Variants in DENND1B observed in about 807,000 individuals in gnomAD.
DENND1B encodes DENN domain containing 1B, also known as DENN domain-containing protein 1B.
A neutral mutation model predicts 90.1 loss-of-function variants in DENND1B; 59 were observed. The observed-to-expected ratio is 0.65, with a 90% CI of 0.53 to 0.81. DENND1B has a LOEUF of 0.81. DENND1B is among the 40% of genes least tolerant of loss of function. DENND1B has a pLI of 0.00. For missense variants in DENND1B, 862 were observed against 912.6 expected (o/e 0.94, Z 0.71); for synonymous variants, 337 against 324.6 (o/e 1.04, Z -0.41).
intron 10 of DENND1B, among the ~76,000 whole-genome samples, chr1:197,629,514 CTGGGGACTGTTG>C (rs1280700512): frequency 8.5e-6 from 1 of 117,884 alleles, no homozygotes; most frequent in African/African-American, 3.4e-5. Flanking sequence ...ACATCACACT[CTGGGGACTGTTG>C]TGGGGTCGGG....
chr1:197,735,136 A>G (rs1243460861), intron 2 of DENND1B: 1 of 968,840 alleles, frequency 1.0e-6, no homozygotes, highest in Non-Finnish European at 1.2e-6. Flanking sequence ...TATATTATAT[A>G]TGAATAATAC....
intron 3 of DENND1B, among the ~76,000 whole-genome samples, chr1:197,679,152 A>G (rs1345548811): frequency 6.6e-6 from 1 of 152,004 alleles, no homozygotes; most frequent in East Asian, 1.9e-4. Flanking sequence ...CATAAAAAGA[A>G]CTATGTTATA....
chr1:197,538,922 T>C (rs1670121916), intron 20 of DENND1B, among the ~76,000 whole-genome samples: 1 of 152,076 alleles, frequency 6.6e-6, no homozygotes, highest in South Asian at 2.1e-4. Context: ...CCTTTCTGCC[T>C]TCCACCATGG....
chr1:197,552,805 G>A (rs577996246), intron 16 of DENND1B: 1 of 1,319,226 alleles, frequency 7.6e-7, no homozygotes, highest in Non-Finnish European at 9.6e-7. Flanking sequence ...GCCAACAGCT[G>A]CCAATTCAGG....
At chr1:197,633,820 T>G (rs1046201345) in intron 10 of DENND1B, among the ~76,000 whole-genome samples, 3 of 152,140 alleles carry the variant, frequency 2.0e-5, no homozygotes, top group Non-Finnish European at 2.9e-5. Flanking sequence ...GGCCAGCAGC[T>G]TCCCTTTGTT....
chr1:197,754,815 TATACTC>T (rs1436196265), intron 2 of DENND1B, among the ~76,000 whole-genome samples: 14 of 152,014 alleles, frequency 9.2e-5, no homozygotes, highest in African/African-American at 3.1e-4. Flanking sequence ...TTCATGCAAA[TATACTC>T]ATATAGAGAT....
At chr1:197,619,668 A>G (rs377174873) in intron 10 of DENND1B, among the ~76,000 whole-genome samples, 1 of 151,276 alleles carries the variant, frequency 6.6e-6, no homozygotes. Context: ...GGGCATACCC[A>G]GAGTCCAAAG....
chr1:197,594,571 C>A (rs4274099), intron 14 of DENND1B, among the ~76,000 whole-genome samples: 1 of 152,018 alleles, frequency 6.6e-6, no homozygotes, highest in African/African-American at 2.4e-5. Flanking sequence ...ATCAGCCTAA[C>A]ATGCTCTAAC....
chr1:197,751,977 GAGAAGAAGA>G (rs151250989), intron 2 of DENND1B, among the ~76,000 whole-genome samples: 4 of 138,802 alleles, frequency 2.9e-5, no homozygotes, highest in Non-Finnish European at 6.1e-5. Context: ...GGAGGAGAAG[GAGAAGAAGA>G]AGAAGAAGAA....
At chr1:197,564,008 T>C (rs890669318) in intron 15 of DENND1B, among the ~76,000 whole-genome samples, 2 of 151,996 alleles carry the variant, frequency 1.3e-5, no homozygotes, top group South Asian at 2.1e-4. Flanking sequence ...ATTGCTGTAA[T>C]ATCATAATAA....
intron 15 of DENND1B, among the ~76,000 whole-genome samples, chr1:197,562,544 T>A (rs1672259203): frequency 6.6e-6 from 1 of 151,906 alleles, no homozygotes; most frequent in African/African-American, 2.4e-5. Flanking sequence ...ATAATTGTTT[T>A]AGGGTGCCAG....
At chr1:197,648,842 G>C (rs1020298009) in intron 7 of DENND1B, among the ~76,000 whole-genome samples, 1 of 152,082 alleles carries the variant, frequency 6.6e-6, no homozygotes, top group African/African-American at 2.4e-5. Flanking sequence ...TCTGCTCTGT[G>C]CTCTTCTATA....
chr1:197,722,496 T>C (rs549259289), intron 2 of DENND1B, among the ~76,000 whole-genome samples: 58 of 152,276 alleles, frequency 3.8e-4, no homozygotes, highest in Non-Finnish European at 7.4e-4. Context: ...AAAAGTTTCT[T>C]AGTTATCTAT....
chr1:197,775,068 G>A, intron 1 of DENND1B, 71 bp downstream of exon 1: 2 of 1,077,432 alleles, frequency 1.9e-6, no homozygotes, highest in Non-Finnish European at 2.4e-6. Flanking sequence ...GAGGCGCGGA[G>A]GAGCCGAGCT....
intron 2 of DENND1B, among the ~76,000 whole-genome samples, chr1:197,732,435 C>T (rs1448025661): frequency 6.6e-6 from 1 of 152,134 alleles, no homozygotes; most frequent in East Asian, 1.9e-4. Context: ...TCTCTATCTC[C>T]TTTCCTCATT....
At chr1:197,598,884 C>A (rs1470794498) in intron 13 of DENND1B, among the ~76,000 whole-genome samples, 1 of 151,718 alleles carries the variant, frequency 6.6e-6, no homozygotes, top group African/African-American at 2.4e-5. Flanking sequence ...GGATAGATCA[C>A]AAACGAAAAG....
At chr1:197,716,528 TA>T (rs965005849) in intron 2 of DENND1B, among the ~76,000 whole-genome samples, 1 of 151,372 alleles carries the variant, frequency 6.6e-6, no homozygotes, top group Non-Finnish European at 1.5e-5. Context: ...TATTCCCAAT[TA>T]AAAAAAATAG....
chr1:197,770,777 AATAT>A (rs1419686658), intron 2 of DENND1B, among the ~76,000 whole-genome samples: 2 of 136,818 alleles, frequency 1.5e-5, no homozygotes, highest in South Asian at 2.2e-4. Flanking sequence ...TATATCTATA[AATAT>A]ATAAATATAT....
At chr1:197,734,949 A>G in intron 2 of DENND1B, 1 of 985,412 alleles carries the variant, frequency 1.0e-6, no homozygotes, top group Non-Finnish European at 1.2e-6. Flanking sequence ...AGCCTGGCAA[A>G]CAAAAATATT....
Sources: gnomAD v4.1 joint callset for allele counts (sites outside exome capture counted in the v4.1 genomes callset) on GRCh38, gnomAD v4.1.1 for gene constraint, MANE v1.5 for transcripts, NCBI Gene and HGNC (gene_info 2026-07-23, HGNC 2026-07-21) for gene names.